Variants in P2RX4 observed in about 807,000 individuals in gnomAD.
P2RX4 encodes purinergic receptor P2X 4.
A neutral mutation model predicts 48.0 loss-of-function variants in P2RX4; 37 were observed. The observed-to-expected ratio is 0.77, with a 90% CI of 0.59 to 1.01. The LOEUF (loss-of-function observed/expected upper bound fraction) is 1.01, where lower values mean the gene tolerates loss of function less well. P2RX4 is among the 50% of genes least tolerant of loss of function. The pLI is 0.00. For missense variants in P2RX4, 501 were observed against 521.4 expected (o/e 0.96, Z 0.38); for synonymous variants, 200 against 199.7 (o/e 1.00, Z -0.01).
intron 5 of P2RX4, among the ~76,000 whole-genome samples, chr12:121,224,890 G>A (rs1057149606): frequency 5.3e-5 from 8 of 152,074 alleles, no homozygotes; most frequent in Middle Eastern, 6.8e-3. Context: ...AGATTGCTAA[G>A]GCAAAGGAAG....
At chr12:121,218,033 C>T (rs924176448) in intron 2 of P2RX4, among the ~76,000 whole-genome samples, 3 of 152,100 alleles carry the variant, frequency 2.0e-5, no homozygotes, top group African/African-American at 4.8e-5. Context: ...GGACCGAGGG[C>T]GACCAGTAGA....
intron 1 of P2RX4, among the ~76,000 whole-genome samples, chr12:121,212,617 G>A (rs1385115787): frequency 4.0e-5 from 6 of 148,836 alleles, no homozygotes; most frequent in Middle Eastern, 6.9e-3. Context: ...GTAAAACCCC[G>A]TCTCTACTAA....
intron 2 of P2RX4, among the ~76,000 whole-genome samples, chr12:121,217,973 C>T (rs1886342240): frequency 6.6e-6 from 1 of 152,058 alleles, no homozygotes; most frequent in Non-Finnish European, 1.5e-5. Context: ...AACAGCTCTG[C>T]ACCACACAGT....
In P2RX4 at chr12:121,210,286, C is replaced by A; in HGVS notation, c.122C>A (p.Ala41Asp). 1 of 1,549,628 alleles carries A rather than the reference C, an allele frequency of 6.5e-7. No homozygotes were observed. The highest frequency in any genetic ancestry group is 2.0e-5 in the Admixed American group (1 of 50,600). The change falls in exon 1 of 12, where the codon GCC (alanine) becomes GAC (aspartate). Residue 41 changes from alanine (A) to aspartate (D), a missense_variant. Coordinates refer to ENST00000337233, the MANE Select transcript of P2RX4 (RefSeq NM_002560.3). ...MNRAVQLLIL[A>D]YVIGWVFVWE... ...CGCGCCGTGCAACTGCTCATCCTGGCCTACGTCATCGGGTGAGCGTGGGGC... is the reference window on the plus strand; with the variant it reads ...CGCGCCGTGCAACTGCTCATCCTGGACTACGTCATCGGGTGAGCGTGGGGC...
At chr12:121,231,956 G>A (rs1438868615) in intron 8 of P2RX4, among the ~76,000 whole-genome samples, 1 of 136,034 alleles carries the variant, frequency 7.4e-6, no homozygotes, top group Non-Finnish European at 1.5e-5. Context: ...AGTGAGCCAA[G>A]ATTGGTGCCC....
chr12:121,212,820 ATATAT>A (rs1332712738), intron 1 of P2RX4: 2 of 42,762 alleles, frequency 4.7e-5, no homozygotes, highest in Non-Finnish European at 7.7e-5. Flanking sequence ...ATATATATAT[ATATAT>A]TTTTTTTTTT....
At chr12:121,222,208 G>T (rs1213418927) in intron 4 of P2RX4, 42 bp downstream of exon 4, 1 of 1,334,436 alleles carries the variant, frequency 7.5e-7, no homozygotes, top group Non-Finnish European at 1.1e-6. Context: ...CCCCTGAGCA[G>T]ATCGCCCCCA....
intron 8 of P2RX4, among the ~76,000 whole-genome samples, chr12:121,231,420 T>A (rs931237989): frequency 6.6e-6 from 1 of 151,882 alleles, no homozygotes; most frequent in African/African-American, 2.4e-5. Context: ...TTTTAGAACA[T>A]TTCCGTCATC....
chr12:121,212,515 C>A lies in P2RX4; in HGVS notation c.134+2217C>A, dbSNP rs184590103. 2.1e-5 allele frequency among the ~76,000 whole-genome samples: 3 copies of A among 143,916 alleles called. No homozygotes were observed. In the East Asian group the frequency reaches 6.1e-4, roughly 29 times the overall value. 94.4% of individuals were successfully genotyped at this position (143,916 alleles called of 152,430 possible). On this transcript the variant is annotated intron_variant, in intron 1 of 11. Coordinates refer to ENST00000337233, the MANE Select transcript of P2RX4 (RefSeq NM_002560.3). ...TTTTTTTTTTTTTTTTTTCTGAACA[C>A]GGTGGCTCATGCCTATAATCTCAGC...
chr12:121,211,899 T>C (rs866217902), intron 1 of P2RX4, among the ~76,000 whole-genome samples: 2 of 151,500 alleles, frequency 1.3e-5, no homozygotes, highest in African/African-American at 4.8e-5. Flanking sequence ...GGTCTCGAAC[T>C]CCTGGCCTCA....
At chr12:121,224,556 C>T (rs1003703395) in intron 5 of P2RX4, among the ~76,000 whole-genome samples, 1 of 151,858 alleles carries the variant, frequency 6.6e-6, no homozygotes, top group South Asian at 2.1e-4. Context: ...GAGCTGAGAT[C>T]GCTCTTCTGC....
At chr12:121,210,778 T>C (rs1025058578) in intron 1 of P2RX4, among the ~76,000 whole-genome samples, 12 of 152,108 alleles carry the variant, frequency 7.9e-5, no homozygotes, top group Non-Finnish European at 1.2e-4. Context: ...GACCCGTCTG[T>C]TTACAAAATA....
intron 11 of P2RX4, 113 bp downstream of exon 11, chr12:121,233,205 C>T (rs944551324): frequency 7.6e-5 from 57 of 752,826 alleles, no homozygotes; most frequent in Non-Finnish European, 1.1e-4. Flanking sequence ...ACCAGTGTGG[C>T]GTGGTGTCCC....
intron 1 of P2RX4, among the ~76,000 whole-genome samples, chr12:121,211,141 C>T (rs1885814152): frequency 6.6e-6 from 1 of 152,174 alleles, no homozygotes. Flanking sequence ...GCTAGAGATG[C>T]CCTACCGCCC....
Position 121,232,304 on chromosome 12 carries a change from A to T in P2RX4, c.885-110A>T. 1 of 781,406 alleles carries T rather than the reference A, an allele frequency of 1.3e-6. No individual in the cohort carries two copies. The highest frequency in any genetic ancestry group is 1.5e-5 in the South Asian group (1 of 65,850). 48.4% of individuals were successfully genotyped at this position (781,406 alleles called of 1,614,324 possible). On this transcript the variant is annotated intron_variant, in intron 8 of 11. Transcript: ENST00000337233. This position sits in a 1 kb window ranked among gnomAD's most constrained non-coding sequence, Gnocchi z 4.3. ...CCCCGAGCCGCTCCAGCGTCCATTCAGCCGGCAGAGTGGACCATTCACCTG... is the reference window on the plus strand; with the variant it reads ...CCCCGAGCCGCTCCAGCGTCCATTCTGCCGGCAGAGTGGACCATTCACCTG...
intron 1 of P2RX4, 186 bp from the exon 2 acceptor site, chr12:121,216,948 G>A (rs773925190): frequency 8.4e-6 from 6 of 716,272 alleles, no homozygotes; most frequent in East Asian, 2.7e-5. Flanking sequence ...ACCCTCCTGT[G>A]GTTTAGGTGC....
chr12:121,227,676 G>A (rs957003173), intron 5 of P2RX4, among the ~76,000 whole-genome samples: 14 of 152,162 alleles, frequency 9.2e-5, no homozygotes, highest in African/African-American at 3.1e-4. Flanking sequence ...TGGAAGGCTC[G>A]GCTCAGTGTC....
rs1466377613 is a variant in P2RX4, at chr12:121,228,740, C to A, written c.621C>A (p.Pro207=). ...TCGACTTTAGGAGGAATATCCTTCC[C>A]AACATCACCACTACTTACCTCAAGT... is the stretch of plus-strand genomic sequence containing the variant. ...KFNFSKRNIL[P]NITTTYLKSC... Residue 207 remains proline, a synonymous_variant, in exon 7 of 12, where the codon CCC becomes CCA. Transcript: ENST00000337233. 1 of 1,613,958 alleles carries A rather than the reference C, an allele frequency of 6.2e-7. No homozygotes were observed. The highest frequency in any genetic ancestry group is 8.5e-7 in the Non-Finnish European group (1 of 1,180,034).
chr12:121,222,415 G>GT (rs901575423), intron 4 of P2RX4: 6 of 434,510 alleles, frequency 1.4e-5, no homozygotes, highest in East Asian at 3.7e-5. Context: ...TTTTTGTTTT[G>GT]TTTTTTTGTT....
Sources: allele counts gnomAD v4.1 joint callset (sites outside exome capture counted in the v4.1 genomes callset), GRCh38; gene constraint gnomAD v4.1.1; non-coding constraint Gnocchi (gnomAD v3.1); transcripts MANE v1.5; gene names NCBI Gene and HGNC (gene_info 2026-07-23, HGNC 2026-07-21).